The following RP1 variants were observed in gnomAD, a reference collection of about 807,000 sequenced individuals.
RP1 encodes RP1 axonemal microtubule associated.
Under a neutral mutation model 14.8 loss-of-function variants are expected in RP1, and 16 were observed. The ratio of observed to expected loss-of-function variants is 1.08; its 90% CI spans 0.73 to 1.65. The LOEUF is 1.65. Among genes scored for constraint, RP1 ranks in the 40% most tolerant of loss-of-function variants. The pLI is 0.00. For synonymous variants in RP1, 876 were observed against 883.6 expected (o/e 0.99, Z 0.15); for missense variants, 2,631 against 2,535.0 (o/e 1.04, Z -0.81).
At chr8:54,680,605 G>T (rs1807403797) in intron 12 of RP1, among the ~76,000 whole-genome samples, 1 of 152,146 alleles carries the variant, frequency 6.6e-6, no homozygotes, top group African/African-American at 2.4e-5. Flanking sequence ...GTCTCAAAAT[G>T]TAACCCCTTC....
At chr8:54,594,017 G>C (rs543106264) in intron 1 of RP1, among the ~76,000 whole-genome samples, 66 of 152,028 alleles carry the variant, frequency 4.3e-4, no homozygotes, top group South Asian at 8.3e-4. Context: ...AACTCTGAGA[G>C]AACTTGGGAC....
At chr8:54,819,629 A>C (rs1422469341) in intron 24 of RP1, among the ~76,000 whole-genome samples, 1 of 152,068 alleles carries the variant, frequency 6.6e-6, no homozygotes, top group Non-Finnish European at 1.5e-5. Flanking sequence ...CAGGTATTCA[A>C]AGGGAATTGA....
chr8:54,793,785 C>T (rs1272840381), intron 24 of RP1, among the ~76,000 whole-genome samples: 2 of 151,912 alleles, frequency 1.3e-5, no homozygotes, highest in African/African-American at 4.8e-5. Flanking sequence ...GGTGCCTACT[C>T]TTGCTACTTC....
chr8:54,607,282 G>T (rs2129308058), intron 1 of RP1, among the ~76,000 whole-genome samples: 1 of 152,326 alleles, frequency 6.6e-6, no homozygotes, highest in South Asian at 2.1e-4. Flanking sequence ...CTCAGCTGCA[G>T]GTCTGTTGGA....
intron 6 of RP1, among the ~76,000 whole-genome samples, chr8:54,663,067 C>T (rs1004979319): frequency 6.6e-6 from 1 of 152,102 alleles, no homozygotes; most frequent in Non-Finnish European, 1.5e-5. Flanking sequence ...TAAGTTATGT[C>T]CCATTCTGAG....
At chr8:54,745,128 T>C (rs368707999) in intron 19 of RP1, among the ~76,000 whole-genome samples, 29 of 152,236 alleles carry the variant, frequency 1.9e-4, no homozygotes, top group Non-Finnish European at 5.9e-5. Context: ...GATGCAGTTC[T>C]TGTCTTCAAA....
intron 24 of RP1, among the ~76,000 whole-genome samples, chr8:54,800,557 A>T (rs1480514216): frequency 6.6e-6 from 1 of 151,990 alleles, no homozygotes; most frequent in Non-Finnish European, 1.5e-5. Flanking sequence ...TTATTTTTCT[A>T]TTAACAAAAT....
intron 3 of RP1, among the ~76,000 whole-genome samples, chr8:54,623,375 A>C (rs1384391747): frequency 1.3e-5 from 2 of 152,240 alleles, no homozygotes; most frequent in Non-Finnish European, 2.9e-5. Flanking sequence ...GCATATCAAA[A>C]ATAAGAAAAA....
chr8:54,843,697 G>C (rs577786305), intron 25 of RP1, among the ~76,000 whole-genome samples: 2 of 152,224 alleles, frequency 1.3e-5, no homozygotes, highest in East Asian at 3.9e-4. Flanking sequence ...GTTTATCTTC[G>C]GGAAGTTTGG....
intron 18 of RP1, among the ~76,000 whole-genome samples, chr8:54,737,812 A>G (rs1808970465): frequency 1.3e-5 from 2 of 152,106 alleles, no homozygotes; most frequent in Non-Finnish European, 1.5e-5. Flanking sequence ...GGGTGATTTG[A>G]CTGTCCCAGC....
intron 1 of RP1, chr8:54,561,684 G>A (rs542383132): frequency 6.6e-5 from 10 of 152,316 alleles, no homozygotes; most frequent in South Asian, 2.1e-4. Flanking sequence ...AACTTTTGCC[G>A]TTGGATTCTT....
At chr8:54,559,643 C>T (rs1221046342) in intron 1 of RP1, among the ~76,000 whole-genome samples, 2 of 152,114 alleles carry the variant, frequency 1.3e-5, no homozygotes, top group Admixed American at 1.3e-4. Flanking sequence ...TACACGTGGG[C>T]CATGTATACG....
intron 16 of RP1, chr8:54,720,384 A>T: frequency 8.0e-7 from 1 of 1,247,324 alleles, no homozygotes; most frequent in Non-Finnish European, 1.1e-6. Flanking sequence ...ATTTCATCAC[A>T]TTTTTACTAA....
At chr8:54,669,206 AG>A (rs1282591045) in intron 7 of RP1, among the ~76,000 whole-genome samples, 3 of 152,226 alleles carry the variant, frequency 2.0e-5, no homozygotes, top group Admixed American at 6.5e-5. Flanking sequence ...CCCATCAAAA[AG>A]TGGGCAAAGG....
intron 24 of RP1, among the ~76,000 whole-genome samples, chr8:54,823,783 G>T (rs1282052051): frequency 3.9e-5 from 6 of 152,178 alleles, no homozygotes; most frequent in Non-Finnish European, 7.3e-5. Flanking sequence ...GACTTTGTGA[G>T]GACATGGTTT....
chr8:54,868,139 A>G (rs1316560205), intron 28 of RP1, among the ~76,000 whole-genome samples: 1 of 152,198 alleles, frequency 6.6e-6, no homozygotes, highest in Non-Finnish European at 1.5e-5. Context: ...GCAGGTGATA[A>G]TGGTCACATT....
chr8:54,668,961 G>T (rs532828857), intron 7 of RP1, among the ~76,000 whole-genome samples: 5 of 152,220 alleles, frequency 3.3e-5, no homozygotes, highest in Admixed American at 1.3e-4. Flanking sequence ...TCAGGACATA[G>T]GCATGGGCAA....
At chr8:54,613,377 C>G (rs145253913), upstream of RP1, among the ~76,000 whole-genome samples, 67 of 152,292 alleles carry the variant, frequency 4.4e-4, 1 homozygote, top group East Asian at 9.3e-3. Flanking sequence ...CTAGCAGTTA[C>G]AATGAGACAG....
chr8:54,628,393 T>C lies in RP1; in HGVS notation c.4511T>C (p.Leu1504Ser), dbSNP rs138106612. The change falls in exon 4 of 4, where the codon TTA (leucine) becomes TCA (serine). Residue 1504 changes from leucine to serine, a missense_variant. By Grantham distance (145) the Leu-to-Ser change is moderately radical. Coordinates refer to ENST00000220676, the MANE Select transcript of RP1 (RefSeq NM_006269.2). The stretch of plus-strand genomic sequence containing the variant: ...GAAGAGGTAGAGGCTAGTAAAACTT[T>C]AGAATTGATAGACATCTCTAGTAAG... The part of the protein sequence containing the change: ...IQEEVEASKT[L>S]ELIDISSKNI... The C allele has an allele frequency of 2.6e-4, 413 of 1,613,520 alleles. 2 individuals carry two copies. In the African/African-American group the frequency reaches 4.4e-3, roughly 17 times the overall value.
Sources: allele counts gnomAD v4.1 joint callset (sites outside exome capture counted in the v4.1 genomes callset), GRCh38; gene constraint gnomAD v4.1.1; transcripts MANE v1.5; gene names NCBI Gene and HGNC (gene_info 2026-07-23, HGNC 2026-07-21).